Variants in RORA observed in about 807,000 individuals in gnomAD.
The protein encoded by RORA is nuclear receptor ROR-alpha.
RORA carries 7 observed loss-of-function variants against 69.5 expected under a neutral mutation model. The ratio of observed to expected loss-of-function variants is 0.10; its 90% CI spans 0.06 to 0.19. The LOEUF is 0.19. RORA is among the 10% of genes least tolerant of loss of function. The pLI is 1.00. For missense variants in RORA, 457 were observed against 663.0 expected, an observed-to-expected ratio of 0.69 and a Z score of 3.41; for synonymous variants, 261 against 240.8, an observed-to-expected ratio of 1.08 and a Z score of -0.78.
chr15:61,013,779 C>CTTTTTTTTTTTTTTTTTTTTTTTTTTT (rs3053960), intron 1 of RORA, among the ~76,000 whole-genome samples: 1 of 70,934 alleles, frequency 1.4e-5, no homozygotes, highest in Non-Finnish European at 2.5e-5. Context: ...ACTGGGTTGG[C>CTTTTTTTTTTTTTTTTTTTTTTTTTTT]TTTTTTTTTT....
chr15:61,181,538 C>T (rs190514218), intron 1 of RORA: 83 of 151,964 alleles, frequency 5.5e-4, no homozygotes, highest in African/African-American at 1.7e-3. Context: ...GCTTATGGGA[C>T]GTCAAAGAGG....
chr15:60,787,610 G>T (rs575160085), intron 1 of RORA, among the ~76,000 whole-genome samples: 8 of 152,332 alleles, frequency 5.3e-5, no homozygotes, highest in Non-Finnish European at 1.0e-4. Context: ...TAAAGGCCAG[G>T]CCCTGTGAGA....
At chr15:60,875,137 G>T (rs1269144421) in intron 1 of RORA, among the ~76,000 whole-genome samples, 1 of 152,142 alleles carries the variant, frequency 6.6e-6, no homozygotes, top group East Asian at 1.9e-4. Flanking sequence ...TGACCCCTAA[G>T]CTGGAATGTA....
At chr15:60,928,683 A>G (rs1892286767) in intron 1 of RORA, among the ~76,000 whole-genome samples, 1 of 152,212 alleles carries the variant, frequency 6.6e-6, no homozygotes, top group South Asian at 2.1e-4. Context: ...TGAAGCTCAG[A>G]GAGACAAAGT....
intron 1 of RORA, among the ~76,000 whole-genome samples, chr15:61,146,679 G>A (rs2079353034): frequency 6.6e-6 from 1 of 152,038 alleles, no homozygotes; most frequent in African/African-American, 2.4e-5. Context: ...CCTAAGAAAA[G>A]CAACAAAAAA....
At chr15:61,134,731 C>T (rs764279984) in intron 1 of RORA, among the ~76,000 whole-genome samples, 2 of 152,036 alleles carry the variant, frequency 1.3e-5, no homozygotes, top group East Asian at 1.9e-4. Flanking sequence ...TTGTCCTTGG[C>T]GCAGTATACA....
intron 1 of RORA, among the ~76,000 whole-genome samples, chr15:60,934,873 C>T (rs1325717251): frequency 6.6e-6 from 1 of 152,236 alleles, no homozygotes; most frequent in Admixed American, 6.5e-5. Flanking sequence ...AGCACACATC[C>T]ACCTATGCCA....
At chr15:60,684,306 A>T (rs1170202203) in intron 1 of RORA, among the ~76,000 whole-genome samples, 2 of 152,130 alleles carry the variant, frequency 1.3e-5, no homozygotes, top group African/African-American at 4.8e-5. Flanking sequence ...ACATGAAAAA[A>T]TTCTGTGTTA....
intron 1 of RORA, among the ~76,000 whole-genome samples, chr15:60,917,687 T>C (rs1017997585): frequency 6.6e-6 from 1 of 152,228 alleles, no homozygotes; most frequent in Non-Finnish European, 1.5e-5. Context: ...TACTCTTGGC[T>C]GATTTATTTA....
intron 1 of RORA, among the ~76,000 whole-genome samples, chr15:61,121,148 C>G (rs575876441): frequency 6.6e-6 from 1 of 152,240 alleles, no homozygotes; most frequent in Admixed American, 6.5e-5. Flanking sequence ...CCATGCCCAG[C>G]CAATTAAGCC....
intron 1 of RORA, among the ~76,000 whole-genome samples, chr15:61,115,875 G>A (rs999225394): frequency 1.3e-5 from 2 of 151,628 alleles, no homozygotes; most frequent in African/African-American, 4.9e-5. Flanking sequence ...TTTAGGAGGT[G>A]AGTCATGAGC....
chr15:61,121,069 C>T (rs2079099111), intron 1 of RORA, among the ~76,000 whole-genome samples: 1 of 151,940 alleles, frequency 6.6e-6, no homozygotes, highest in Admixed American at 6.6e-5. Flanking sequence ...AGGCTGGTCT[C>T]AAACTCCTGA....
rs142483964 is a variant in RORA at position 60,883,275 on chromosome 15, T to C, written c.167-204589A>G. Among the ~76,000 whole-genome samples, 331 of 151,934 alleles carry C rather than the reference T, an allele frequency of 2.2e-3. 1 individual carries two copies. The highest frequency in any genetic ancestry group is 7.6e-3 in the African/African-American group (314 of 41,402). ...ACAGCAAGAACAGCATTACGAATCA[T>C]AGGAAAAGGATGGATACGTGGTACA... On this transcript the variant is annotated intron_variant, in intron 1 of 10. Coordinates refer to ENST00000335670, the MANE Select transcript of RORA (RefSeq NM_134261.3).
rs550663018 is a variant in RORA, at chr15:60,659,039, A to C, written c.196+19618T>G. Among the ~76,000 whole-genome samples the C allele has an allele frequency of 9.2e-5, 14 of 152,326 alleles. No individual in the cohort carries two copies. In the South Asian group the frequency reaches 2.9e-3, roughly 32 times the overall value. ...GAGGAACATGCCGCAAACCTGCTGC[A>C]GAGCATTAACAAGAACAGAATTAAA... On this transcript the variant is annotated intron_variant, in intron 2 of 10. Transcript: ENST00000335670.
chr15:61,151,259 T>C (rs1313895355), intron 1 of RORA, among the ~76,000 whole-genome samples: 4 of 152,194 alleles, frequency 2.6e-5, no homozygotes, highest in Non-Finnish European at 4.4e-5. Flanking sequence ...AGATACACAG[T>C]AGTTAGGCAA....
intron 1 of RORA, among the ~76,000 whole-genome samples, chr15:60,720,449 C>G (rs943181018): frequency 3.9e-5 from 6 of 152,228 alleles, no homozygotes; most frequent in African/African-American, 1.4e-4. Context: ...CTGGAACGAA[C>G]CCAGTCACCT....
intron 2 of RORA, among the ~76,000 whole-genome samples, chr15:60,589,729 TTTC>T (rs1333445161): frequency 6.6e-6 from 1 of 152,200 alleles, no homozygotes; most frequent in East Asian, 1.9e-4. Context: ...GAGGAAGGAT[TTTC>T]TTCTTTGGTG....
chr15:60,592,568 T>C, intron 2 of RORA: 5 of 1,226,752 alleles, frequency 4.1e-6, no homozygotes, highest in Non-Finnish European at 5.1e-6. Context: ...AGAGGCTCCA[T>C]GTGACCGGCT....
intron 2 of RORA, among the ~76,000 whole-genome samples, chr15:60,629,474 A>G (rs1005663701): frequency 1.3e-5 from 2 of 152,112 alleles, no homozygotes; most frequent in Non-Finnish European, 2.9e-5. Flanking sequence ...GCGTTTTGTT[A>G]TTCACTCTGG....
Sources: allele counts gnomAD v4.1 joint callset (sites outside exome capture counted in the v4.1 genomes callset), GRCh38; gene constraint gnomAD v4.1.1; transcripts MANE v1.5; gene names NCBI Gene and HGNC (gene_info 2026-07-23, HGNC 2026-07-21).